KCNK13: variants seen among roughly 807,000 people sequenced by gnomAD.
The protein encoded by KCNK13 is potassium channel subfamily K member 13.
KCNK13 carries 12 observed loss-of-function variants against 23.4 expected under a neutral mutation model. The observed-to-expected ratio is 0.51, with a 90% CI of 0.33 to 0.83. The LOEUF (loss-of-function observed/expected upper bound fraction) is 0.83, where lower values mean the gene tolerates loss of function less well. KCNK13 is among the 40% of genes least tolerant of loss of function. The probability of loss-of-function intolerance (pLI) is 0.02; values close to 1 mark genes in which losing one functional copy is unlikely to be tolerated. For missense variants in KCNK13, 463 were observed against 556.3 expected, an observed-to-expected ratio of 0.83 and a Z score of 1.69; for synonymous variants, 231 against 229.5, an observed-to-expected ratio of 1.01 and a Z score of -0.06.
At chr14:90,147,299 C>G (rs1460223131) in intron 1 of KCNK13, among the ~76,000 whole-genome samples, 2 of 152,136 alleles carry the variant, frequency 1.3e-5, no homozygotes, top group Non-Finnish European at 2.9e-5. Flanking sequence ...GTCACCCAGG[C>G]TGGAATGCAG....
intron 1 of KCNK13, among the ~76,000 whole-genome samples, chr14:90,077,117 CTTTT>C (rs373759289): frequency 1.1e-5 from 1 of 92,324 alleles, no homozygotes; most frequent in African/African-American, 4.6e-5. Context: ...CCGCACCTGG[CTTTT>C]TTTTTTTTTT....
chr14:90,063,765 A>C (rs1888974681), intron 1 of KCNK13, among the ~76,000 whole-genome samples: 1 of 152,236 alleles, frequency 6.6e-6, no homozygotes. Flanking sequence ...CACAAAAGAC[A>C]AAAGAGATTG....
At chr14:90,065,474 G>T (rs948390024) in intron 1 of KCNK13, among the ~76,000 whole-genome samples, 1 of 152,118 alleles carries the variant, frequency 6.6e-6, no homozygotes, top group Non-Finnish European at 1.5e-5. Flanking sequence ...GATACAGGTC[G>T]GTGCAAGGGA....
chr14:90,177,422 A>T (rs766637266), intron 1 of KCNK13: 1 of 152,102 alleles, frequency 6.6e-6, no homozygotes, highest in Admixed American at 6.6e-5. Flanking sequence ...AATTTCGTGT[A>T]TTTTTCCCCC....
rs569437017 is a variant in KCNK13, at chr14:90,144,210, G to A, written c.335-39901G>A. Among the ~76,000 whole-genome samples, 128 of 152,200 alleles carry A rather than the reference G, an allele frequency of 8.4e-4. No homozygotes were observed. The Middle Eastern group carries it at 0.01, about 12-fold the overall frequency. On this transcript the variant is annotated intron_variant, in intron 1 of 1. Coordinates refer to ENST00000282146, the MANE Select transcript of KCNK13 (RefSeq NM_022054.4). The stretch of plus-strand genomic sequence containing the variant: ...ATGGCATATCTCTCTACTTATTTAG[G>A]TCTTTTTAAGTTTCTCTCAGTAATG...
chr14:90,078,417 C>CAAAAAA (rs1238686860), intron 1 of KCNK13, among the ~76,000 whole-genome samples: 1 of 60,448 alleles, frequency 1.7e-5, no homozygotes. Context: ...AAGACAGTCT[C>CAAAAAA]AAAAAAAAAA....
In KCNK13 at chr14:90,062,128, T is replaced by C; in HGVS notation, c.-78T>C. 1.0e-6 allele frequency: 1 copy of C among 971,810 alleles called. No homozygotes were observed. The allele number at this position is 971,810 out of a possible 1,614,324, so 60.2% of individuals were successfully genotyped here. A position where few individuals can be genotyped will look rare whatever the true frequency, so the allele number is the denominator to read the frequency against. On this transcript the variant is annotated 5_prime_UTR_variant, in exon 1 of 2. Coordinates refer to ENST00000282146, the MANE Select transcript of KCNK13 (RefSeq NM_022054.4). This position sits in a 1 kb window ranked among gnomAD's most constrained non-coding sequence, Gnocchi z 4.5. ...GGGAGCTGGCTGAGCGCCGGGGCCC[T>C]TATTTCCCGGGGGTGTGGGCGAGAC... is the stretch of plus-strand genomic sequence containing the variant.
chr14:90,084,267 A>G (rs1187813165), intron 1 of KCNK13, among the ~76,000 whole-genome samples: 2 of 152,198 alleles, frequency 1.3e-5, no homozygotes, highest in African/African-American at 4.8e-5. Context: ...AAGTGTTCCA[A>G]TCTATGAACA....
At chr14:90,176,788 G>A (rs1327987759) in intron 1 of KCNK13, among the ~76,000 whole-genome samples, 2 of 152,150 alleles carry the variant, frequency 1.3e-5, no homozygotes, top group South Asian at 2.1e-4. Flanking sequence ...TTGGGAGGCC[G>A]AGGCAGGTGG....
chr14:90,170,161 A>AT (rs1388476484), intron 1 of KCNK13, among the ~76,000 whole-genome samples: 5 of 151,862 alleles, frequency 3.3e-5, no homozygotes, highest in Admixed American at 3.3e-4. Flanking sequence ...CTAAGAGAAG[A>AT]TTTTACCCAT....
intron 1 of KCNK13, among the ~76,000 whole-genome samples, chr14:90,084,358 T>G (rs750372506): frequency 7.9e-5 from 12 of 152,202 alleles, no homozygotes; most frequent in Admixed American, 1.3e-4. Context: ...AGTTTTGGAC[T>G]TTAAAAAAAT....
chr14:90,153,542 A>G lies in KCNK13; in HGVS notation c.335-30569A>G, dbSNP rs77770673. Among the ~76,000 whole-genome samples the G allele has an allele frequency of 3.2e-3, 481 of 152,236 alleles. 3 individuals are homozygous for G. The highest frequency in any genetic ancestry group is 0.011 in the African/African-American group (458 of 41,544). ...TTTACTTATCCTTATTTATGAGTCT[A>G]TTTTCACTATTGCACTTGCAGGCAG... On this transcript the variant is annotated intron_variant, in intron 1 of 1. Coordinates refer to ENST00000282146, the MANE Select transcript of KCNK13 (RefSeq NM_022054.4).
chr14:90,178,536 C>T lies in KCNK13; in HGVS notation c.335-5575C>T, dbSNP rs1477670899. Among the ~76,000 whole-genome samples the T allele has an allele frequency of 5.9e-5, 9 of 151,776 alleles. No homozygotes were observed. The South Asian group carries it at 6.2e-4, about 11-fold the overall frequency. ...AACTCCCGACCTCAGGTGATCCGCC[C>T]GCCTCAGCCTCCCAAAGTGCTGGGA... On this transcript the variant is annotated intron_variant, in intron 1 of 1. Coordinates refer to ENST00000282146, the MANE Select transcript of KCNK13 (RefSeq NM_022054.4).
chr14:90,102,494 T>G (rs1320933826), intron 1 of KCNK13, among the ~76,000 whole-genome samples: 1 of 152,206 alleles, frequency 6.6e-6, no homozygotes, highest in African/African-American at 2.4e-5. Flanking sequence ...ACCCATCATC[T>G]CAATCCCTAC....
chr14:90,082,078 T>C (rs183331375), intron 1 of KCNK13, among the ~76,000 whole-genome samples: 4 of 152,218 alleles, frequency 2.6e-5, no homozygotes, highest in Non-Finnish European at 1.5e-5. Flanking sequence ...GTTTTCTTTT[T>C]CAAAACAGAG....
At chr14:90,163,914 A>G (rs1336577909) in intron 1 of KCNK13, among the ~76,000 whole-genome samples, 2 of 152,088 alleles carry the variant, frequency 1.3e-5, no homozygotes, top group Non-Finnish European at 2.9e-5. Context: ...CTGGTCTCAA[A>G]CTGCTGACCT....
chr14:90,084,136 G>A (rs886852328), intron 1 of KCNK13, among the ~76,000 whole-genome samples: 3 of 152,220 alleles, frequency 2.0e-5, no homozygotes, highest in Non-Finnish European at 1.5e-5. Flanking sequence ...TTTCCCCCAA[G>A]ATTGTTTTGG....
chr14:90,155,206 A>C (rs1398513638), intron 1 of KCNK13, among the ~76,000 whole-genome samples: 1 of 152,156 alleles, frequency 6.6e-6, no homozygotes, highest in Non-Finnish European at 1.5e-5. Flanking sequence ...GAAGAGGTGA[A>C]AGGATGAGGC....
chr14:90,096,226 T>TC (rs1452790727), intron 1 of KCNK13, among the ~76,000 whole-genome samples: 1 of 152,110 alleles, frequency 6.6e-6, no homozygotes, highest in African/African-American at 2.4e-5. Context: ...TCAGCTCCTC[T>TC]CCCCTCCCTG....
Sources: allele counts gnomAD v4.1 joint callset (sites outside exome capture counted in the v4.1 genomes callset), GRCh38; gene constraint gnomAD v4.1.1; non-coding constraint Gnocchi (gnomAD v3.1); transcripts MANE v1.5; gene names NCBI Gene and HGNC (gene_info 2026-07-23, HGNC 2026-07-21).